PARD3B: variants seen among roughly 807,000 people sequenced by gnomAD.
PARD3B encodes the protein par-3 family cell polarity regulator beta.
PARD3B carries 103 observed loss-of-function variants against 130.2 expected under a neutral mutation model. The observed-to-expected ratio is 0.79, with a 90% CI of 0.67 to 0.93. PARD3B has a LOEUF of 0.93. PARD3B is among the 40% of genes least tolerant of loss of function. The pLI is 0.00. For synonymous variants in PARD3B, 583 were observed against 553.2 expected, an observed-to-expected ratio of 1.05 and a Z score of -0.76; for missense variants, 1,609 against 1,499.2, an observed-to-expected ratio of 1.07 and a Z score of -1.21.
chr2:205,583,329 G>A (rs1442533940), intron 22 of PARD3B, among the ~76,000 whole-genome samples: 3 of 151,918 alleles, frequency 2.0e-5, no homozygotes, highest in Non-Finnish European at 4.4e-5. Flanking sequence ...ATTAGGAAAC[G>A]CTGGAAATCA....
At chr2:204,731,117 G>T (rs1346307886) in intron 2 of PARD3B, among the ~76,000 whole-genome samples, 1 of 152,168 alleles carries the variant, frequency 6.6e-6, no homozygotes, top group Non-Finnish European at 1.5e-5. Context: ...CCCTAGTGAT[G>T]GCAAGCTGTT....
At chr2:204,694,119 A>G (rs1360245464) in intron 2 of PARD3B, among the ~76,000 whole-genome samples, 3 of 152,086 alleles carry the variant, frequency 2.0e-5, no homozygotes, top group African/African-American at 7.2e-5. Flanking sequence ...GCAGGAAAAT[A>G]CAATGGAAAT....
At chr2:205,444,302 T>TA (rs376909524) in intron 20 of PARD3B, among the ~76,000 whole-genome samples, 2 of 152,152 alleles carry the variant, frequency 1.3e-5, no homozygotes, top group African/African-American at 4.8e-5. Flanking sequence ...GTTTTTTTTT[T>TA]AACTATCCAG....
chr2:205,400,932 A>G (rs1234041601), intron 18 of PARD3B, 81 bp from the exon 19 acceptor site: 1 of 952,360 alleles, frequency 1.1e-6, no homozygotes. Context: ...TGACTTAATG[A>G]GCTCATCCCA....
intron 2 of PARD3B, among the ~76,000 whole-genome samples, chr2:204,715,712 C>A (rs1023777323): frequency 3.9e-5 from 6 of 152,216 alleles, no homozygotes; most frequent in African/African-American, 1.4e-4. Flanking sequence ...TCTTTGCAGC[C>A]TAATTGAGGC....
rs1247517526 is a variant in PARD3B, at chr2:205,341,230, A to G, written c.2630+39529A>G. ...ATTAGGACTGCCATGCAATCCAACA[A>G]TCCCACTACTGGGTATTTTTAAAGG... On this transcript the variant is annotated intron_variant, in intron 18 of 22. Transcript: ENST00000406610. The surrounding 1 kb of genome is among the most constrained non-coding windows in gnomAD (Gnocchi z 4.3). Among the ~76,000 whole-genome samples the G allele has an allele frequency of 2.0e-5, 3 of 151,928 alleles. No homozygotes were observed. The highest frequency in any genetic ancestry group is 1.9e-4 in the East Asian group (1 of 5,192).
chr2:205,454,298 C>A (rs1311933252), intron 20 of PARD3B, among the ~76,000 whole-genome samples: 1 of 151,998 alleles, frequency 6.6e-6, no homozygotes, highest in East Asian at 1.9e-4. Context: ...GTATTTAATG[C>A]AAAGTGTAAT....
chr2:205,428,247 G>T, intron 19 of PARD3B, among the ~76,000 whole-genome samples: 1 of 152,164 alleles, frequency 6.6e-6, no homozygotes, highest in East Asian at 1.9e-4. Context: ...TAGCCAGATG[G>T]TGTGCACCTG....
chr2:205,346,813 T>C (rs895425322), intron 18 of PARD3B, among the ~76,000 whole-genome samples: 1 of 152,226 alleles, frequency 6.6e-6, no homozygotes, highest in Non-Finnish European at 1.5e-5. Context: ...CAATAAGGAA[T>C]GACTATGTGT....
rs2053423476 is a variant in PARD3B, at chr2:205,568,037, C to T, written c.3260+14634C>T. Among the ~76,000 whole-genome samples, 1 of 152,118 alleles carries T rather than the reference C, an allele frequency of 6.6e-6. No individual in the cohort carries two copies. The highest frequency in any genetic ancestry group is 2.4e-5 in the African/African-American group (1 of 41,424). On this transcript the variant is annotated intron_variant, in intron 22 of 22. Transcript: ENST00000406610. The surrounding 1 kb of genome is among the most constrained non-coding windows in gnomAD (Gnocchi z 5.3). ...AGTTGTTCCTAAGATATCAACTCCC[C>T]AGCACTTCTTCCTGTCCAGTGCACT...
intron 2 of PARD3B, among the ~76,000 whole-genome samples, chr2:204,807,113 T>G (rs2042795209): frequency 6.6e-6 from 1 of 152,124 alleles, no homozygotes; most frequent in Admixed American, 6.6e-5. Flanking sequence ...CATCAGATCT[T>G]GTGAGACTTA....
At chr2:205,284,257 A>G (rs2041302637) in intron 16 of PARD3B, among the ~76,000 whole-genome samples, 3 of 152,160 alleles carry the variant, frequency 2.0e-5, no homozygotes, top group Admixed American at 2.0e-4. Flanking sequence ...ATCCTTTTCC[A>G]GATTTGCACA....
chr2:204,669,633 A>C lies in PARD3B; in HGVS notation c.121-16548A>C, dbSNP rs978742292. Among the ~76,000 whole-genome samples the C allele has an allele frequency of 2.0e-5, 3 of 152,208 alleles. No individual in the cohort carries two copies. The highest frequency in any genetic ancestry group is 6.5e-5 in the Admixed American group (1 of 15,268). ...GGAACACTATTTCCTTGGTTGCAAT[A>C]AATGTCCATACTGTCTATTGGTTTT... On this transcript the variant is annotated intron_variant, in intron 1 of 22. Coordinates refer to ENST00000406610, the MANE Select transcript of PARD3B (RefSeq NM_001302769.2). The surrounding 1 kb of genome is among the most constrained non-coding windows in gnomAD (Gnocchi z 4.3).
intron 3 of PARD3B, among the ~76,000 whole-genome samples, chr2:204,969,652 T>C (rs1691532185): frequency 6.6e-6 from 1 of 152,250 alleles, no homozygotes; most frequent in African/African-American, 2.4e-5. Context: ...TCTTGGCTTC[T>C]AGAACAGTGC....
intron 2 of PARD3B, among the ~76,000 whole-genome samples, chr2:204,739,598 G>A (rs1459040320): frequency 1.3e-5 from 2 of 152,064 alleles, no homozygotes; most frequent in Non-Finnish European, 2.9e-5. Flanking sequence ...AGGACTACAG[G>A]TGTGTGCCAC....
Position 205,121,609 on chromosome 2 carries a change from C to T in PARD3B, c.825C>T (p.Arg275=). 6.2e-7 allele frequency: 1 copy of T among 1,612,790 alleles called. No individual in the cohort carries two copies. The change falls in exon 8 of 23, where the codon CGC becomes CGT. Residue 275 remains arginine (R), a synonymous_variant. Coordinates refer to ENST00000406610, the MANE Select transcript of PARD3B (RefSeq NM_001302769.2). This position sits in a 1 kb window ranked among gnomAD's most constrained non-coding sequence, Gnocchi z 5.0. ...TTTCCAGGGCTCAAGATGTCTTCCG[C>T]CAGGCAATGAAATCTCCAAGTGTGC... ...KTFAQAQDVF[R]QAMKSPSVLL...
At chr2:205,235,853 A>T (rs2039037959) in intron 15 of PARD3B, among the ~76,000 whole-genome samples, 3 of 152,228 alleles carry the variant, frequency 2.0e-5, no homozygotes, top group African/African-American at 4.8e-5. Context: ...ATCCAAATTA[A>T]GCATAAGAGA....
intron 13 of PARD3B, among the ~76,000 whole-genome samples, chr2:205,180,401 G>T (rs888741525): frequency 4.6e-5 from 7 of 151,852 alleles, no homozygotes; most frequent in African/African-American, 1.7e-4. Context: ...TTATATTTAG[G>T]GAACTATTGG....
At chr2:204,640,345 C>T (rs974738760) in intron 1 of PARD3B, among the ~76,000 whole-genome samples, 1 of 152,162 alleles carries the variant, frequency 6.6e-6, no homozygotes, top group Non-Finnish European at 1.5e-5. Flanking sequence ...TCAGCAGGTT[C>T]CCTTGCCCCA....
Sources: allele counts gnomAD v4.1 joint callset (sites outside exome capture counted in the v4.1 genomes callset), GRCh38; gene constraint gnomAD v4.1.1; non-coding constraint Gnocchi (gnomAD v3.1); transcripts MANE v1.5; gene names NCBI Gene and HGNC (gene_info 2026-07-23, HGNC 2026-07-21).